Variants in NPY2R observed in about 807,000 individuals in gnomAD.
The protein encoded by NPY2R is neuropeptide Y receptor type 2.
In NPY2R, 17 loss-of-function variants were observed where a neutral mutation model predicts 22.3. That is an observed-to-expected ratio of 0.76 (90% CI 0.52 to 1.14). The LOEUF is 1.14. Ranked by LOEUF, NPY2R falls within the 50% of genes most tolerant of loss-of-function variation. NPY2R has a pLI of 0.00. For missense variants in NPY2R, 424 were observed against 467.9 expected, an observed-to-expected ratio of 0.91 and a Z score of 0.87; for synonymous variants, 209 against 183.4, an observed-to-expected ratio of 1.14 and a Z score of -1.13.
chr4:155,194,864 C>G, the NPY2R span, among the ~76,000 whole-genome samples: 2 of 151,944 alleles, frequency 1.3e-5, no homozygotes, highest in African/African-American at 4.8e-5. Context: ...AGTATATAAG[C>G]ATTCCCTTTG....
chr4:155,204,383 C>T (rs954860049), upstream of NPY2R, among the ~76,000 whole-genome samples: 5 of 152,152 alleles, frequency 3.3e-5, no homozygotes, highest in Non-Finnish European at 7.3e-5. Flanking sequence ...TCCATGTTAC[C>T]TGAAGTATTT....
chr4:155,173,763 C>G, the NPY2R span: 2 of 151,678 alleles, frequency 1.3e-5, no homozygotes, highest in Non-Finnish European at 2.9e-5. Context: ...GCCACAGACA[C>G]GAATTCTCAT....
chr4:155,192,230 T>G, the NPY2R span, among the ~76,000 whole-genome samples: 1 of 151,934 alleles, frequency 6.6e-6, no homozygotes, highest in Non-Finnish European at 1.5e-5. Context: ...TTTGTTTCGT[T>G]AGCTGACCTG....
At chr4:155,209,984 C>T (rs1166289215) in intron 1 of NPY2R, among the ~76,000 whole-genome samples, 1 of 152,230 alleles carries the variant, frequency 6.6e-6, no homozygotes, top group African/African-American at 2.4e-5. Context: ...TCCTATTCTG[C>T]AAAGAAATGT....
chr4:155,173,950 T>C, the NPY2R span, among the ~76,000 whole-genome samples: 1 of 152,086 alleles, frequency 6.6e-6, no homozygotes, highest in Non-Finnish European at 1.5e-5. Context: ...GCTTATGTAC[T>C]TTAATACATG....
At chr4:155,190,337 A>C in the NPY2R span, among the ~76,000 whole-genome samples, 1 of 152,016 alleles carries the variant, frequency 6.6e-6, no homozygotes, top group Non-Finnish European at 1.5e-5. Flanking sequence ...ATGGCTATTT[A>C]GAGTTTTGAG....
At chr4:155,207,390 A>G (rs553702476), upstream of NPY2R, 2 of 152,350 alleles carry the variant, frequency 1.3e-5, no homozygotes, top group South Asian at 4.1e-4. Flanking sequence ...GCACACCAGT[A>G]TGACCATCCT....
upstream of NPY2R, chr4:155,207,119 A>G (rs962341759): frequency 6.6e-6 from 1 of 152,208 alleles, no homozygotes; most frequent in African/African-American, 2.4e-5. Context: ...AACAATTCCT[A>G]TACTCCTGTG....
At chr4:155,209,775 T>C (rs962470382) in intron 1 of NPY2R, among the ~76,000 whole-genome samples, 1 of 152,034 alleles carries the variant, frequency 6.6e-6, no homozygotes, top group African/African-American at 2.4e-5. Flanking sequence ...TATTTTTCCC[T>C]GGGAAAAATG....
At chr4:155,192,494 T>G in the NPY2R span, among the ~76,000 whole-genome samples, 37 of 152,104 alleles carry the variant, frequency 2.4e-4, no homozygotes, top group African/African-American at 8.9e-4. Flanking sequence ...TCTAGGTATT[T>G]ATAATAATTT....
the NPY2R span, among the ~76,000 whole-genome samples, chr4:155,182,084 T>G: frequency 1.5e-4 from 23 of 152,098 alleles, no homozygotes; most frequent in Non-Finnish European, 3.2e-4. Flanking sequence ...AGAAAATAAC[T>G]AAAGGCTAAT....
At chr4:155,204,503 G>A (rs1461036926), upstream of NPY2R, among the ~76,000 whole-genome samples, 2 of 151,978 alleles carry the variant, frequency 1.3e-5, no homozygotes, top group East Asian at 1.9e-4. Context: ...AAAATACCTC[G>A]CTCTTACTCC....
At position 155,214,712 on chromosome 4, in the gene NPY2R, A is replaced by G. The variant is rs1307464212; in HGVS notation, c.773A>G (p.His258Arg). ...GTCAGTCCTGGAGCTGCAAATGACC[A>G]CTACCATCAGCGAAGGCAAAAAACC... ...NHVSPGAAND[H>R]YHQRRQKTTK... Residue 258 changes from histidine (H) to arginine (R), a missense_variant, in exon 2 of 2, where the codon CAC becomes CGC. Transcript: ENST00000329476. The G allele has an allele frequency of 3.1e-6, 5 of 1,614,248 alleles. No individual in the cohort carries two copies. Among genetic ancestry groups the G allele is most frequent in the South Asian group, 2.2e-5 (2 of 91,088 alleles).
the NPY2R span, among the ~76,000 whole-genome samples, chr4:155,175,175 A>G: frequency 6.6e-6 from 1 of 152,174 alleles, no homozygotes; most frequent in African/African-American, 2.4e-5. Context: ...AATTTCGCCA[A>G]CCGAGTACCA....
chr4:155,185,165 G>A, the NPY2R span, among the ~76,000 whole-genome samples: 1 of 150,950 alleles, frequency 6.6e-6, no homozygotes, highest in Admixed American at 6.6e-5. Flanking sequence ...TCAGCCTCCC[G>A]AGTAGATGGG....
the NPY2R span, among the ~76,000 whole-genome samples, chr4:155,175,800 A>T: frequency 6.6e-6 from 1 of 152,134 alleles, no homozygotes; most frequent in Non-Finnish European, 1.5e-5. Flanking sequence ...CAATAAAGAA[A>T]AAAGAAAAGA....
At position 155,215,529 on chromosome 4, in the gene NPY2R, C is replaced by T. The variant is rs886486482; in HGVS notation, c.*444C>T. On this transcript the variant is annotated 3_prime_UTR_variant, in exon 2 of 2. Coordinates refer to ENST00000329476, the MANE Select transcript of NPY2R (RefSeq NM_000910.4). ...AAACACCACTGAACAGAAATTTCTC[C>T]AGGGAGCCACAGGCTCTCCTTCATC... 2 of 211,236 alleles carry T rather than the reference C, an allele frequency of 9.5e-6. No homozygotes were observed. The highest frequency in any genetic ancestry group is 1.1e-5 in the Non-Finnish European group (1 of 94,870). The allele number at this position is 211,236 out of a possible 1,614,324, so 13.1% of individuals were successfully genotyped here. A position where few individuals can be genotyped will look rare whatever the true frequency, so the allele number is the denominator to read the frequency against.
the NPY2R span, among the ~76,000 whole-genome samples, chr4:155,174,484 A>ATATATATATATTT: frequency 2.6e-4 from 28 of 106,070 alleles, no homozygotes; most frequent in African/African-American, 6.3e-4. Flanking sequence ...ATATATATAT[A>ATATATATATATTT]TTTTTTTTTT....
chr4:155,174,484 A>ATATATATATATATATATATATGTATATT, the NPY2R span, among the ~76,000 whole-genome samples: 1 of 106,120 alleles, frequency 9.4e-6, no homozygotes, highest in African/African-American at 4.5e-5. Flanking sequence ...ATATATATAT[A>ATATATATATATATATATATATGTATATT]TTTTTTTTTT....
Sources: allele counts gnomAD v4.1 joint callset (sites outside exome capture counted in the v4.1 genomes callset), GRCh38; gene constraint gnomAD v4.1.1; transcripts MANE v1.5; gene names NCBI Gene and HGNC (gene_info 2026-07-23, HGNC 2026-07-21).